The following FGR variants were observed in gnomAD, a reference collection of about 807,000 sequenced individuals.
FGR encodes FGR proto-oncogene, Src family tyrosine kinase, also known as tyrosine-protein kinase Fgr.
FGR carries 26 observed loss-of-function variants against 63.2 expected under a neutral mutation model. The observed-to-expected ratio is 0.41, with a 90% CI of 0.30 to 0.57. FGR has a LOEUF of 0.57. Ranked by LOEUF, FGR falls within the 20% of genes least tolerant of loss-of-function variation. The pLI, the probability that FGR is intolerant of heterozygous loss-of-function variation, is 0.27. For synonymous variants in FGR, 286 were observed against 277.7 expected (o/e 1.03, Z -0.30); for missense variants, 511 against 690.8 (o/e 0.74, Z 2.92).
At chr1:27,613,924 G>C (rs898983301) in intron 11 of FGR, among the ~76,000 whole-genome samples, 2 of 152,132 alleles carry the variant, frequency 1.3e-5, no homozygotes, top group Non-Finnish European at 2.9e-5. Flanking sequence ...GCCAGACACT[G>C]TTTTAAGTGA....
Position 27,613,043 on chromosome 1 carries a change from C to T in FGR, c.1461G>A (p.Leu487=). ...MPCPPGCPAS[L]YEAMEQTWRL... is the part of the protein sequence containing the mutation. ...GCCAGGTCTGTTCCATGGCCTCGTA[C>T]AGGGATGCTGGGCAGCCTGGAGGGC... The change falls in exon 13 of 13, where the codon CTG becomes CTA. Residue 487 remains leucine, a synonymous_variant. Transcript: ENST00000374005. 6.2e-7 allele frequency: 1 copy of T among 1,614,186 alleles called. No homozygotes were observed. Among genetic ancestry groups the T allele is most frequent in the Non-Finnish European group, 8.5e-7 (1 of 1,180,018 alleles).
chr1:27,623,123 A>G lies in FGR; in HGVS notation c.248T>C (p.Ile83Thr). Residue 83 changes from isoleucine to threonine, a missense_variant, in exon 4 of 13, where the codon ATT becomes ACT. Ile to Thr is a moderately conservative substitution (Grantham distance 89). Transcript: ENST00000374005. ...GVSGIGVTLFIALYDYEARTE... is the reference protein window; with the variant it reads ...GVSGIGVTLFTALYDYEARTE... ...TCGAGCCTCATAGTCATACAGGGCA[A>G]TGAACAGGGTCACCCCAATCCCTGC... The G allele has an allele frequency of 1.2e-6, 2 of 1,614,076 alleles. No homozygotes were observed. Among genetic ancestry groups the G allele is most frequent in the East Asian group, 2.2e-5 (1 of 44,882 alleles).
intron 1 of FGR, among the ~76,000 whole-genome samples, chr1:27,630,676 C>T (rs1021501521): frequency 6.6e-5 from 10 of 152,258 alleles, no homozygotes; most frequent in Non-Finnish European, 1.5e-4. Context: ...CACTGAACTT[C>T]GCTGCCTGCT....
intron 10 of FGR, 76 bp downstream of exon 10, chr1:27,614,774 C>A (rs911666778): frequency 1.3e-5 from 19 of 1,432,844 alleles, no homozygotes; most frequent in African/African-American, 8.5e-5. Flanking sequence ...CCCTCCCAGG[C>A]GTTTGAAGGG....
chr1:27,624,398 G>T (rs2089984708), intron 2 of FGR, among the ~76,000 whole-genome samples: 1 of 152,074 alleles, frequency 6.6e-6, no homozygotes, highest in Non-Finnish European at 1.5e-5. Context: ...CAGTACCCCT[G>T]GCTAATTTGT....
At chr1:27,619,020 G>A (rs1229777560) in intron 5 of FGR, among the ~76,000 whole-genome samples, 2 of 152,054 alleles carry the variant, frequency 1.3e-5, no homozygotes, top group East Asian at 1.9e-4. Flanking sequence ...GTTTCCTGAA[G>A]CTTCTCCGCT....
intron 2 of FGR, among the ~76,000 whole-genome samples, chr1:27,624,254 G>A (rs750487185): frequency 3.7e-4 from 56 of 151,846 alleles, no homozygotes; most frequent in Non-Finnish European, 6.5e-4. Flanking sequence ...GTTTTGTTTT[G>A]AGACAAGATC....
At position 27,617,357 on chromosome 1, in the gene FGR, G is replaced by T; in HGVS notation, c.429-61C>A. ...TGCTCAAACCTCACCTCAGCCTCCTGCACAGTCACCTCACAAGCCAAGACT... is the reference window on the plus strand; with the variant it reads ...TGCTCAAACCTCACCTCAGCCTCCTTCACAGTCACCTCACAAGCCAAGACT... On this transcript the variant is annotated intron_variant, in intron 5 of 12. Transcript: ENST00000374005. The surrounding 1 kb of genome is among the most constrained non-coding windows in gnomAD (Gnocchi z 4.5). 8.3e-7 allele frequency: 1 copy of T among 1,199,438 alleles called. No homozygotes were observed. The highest frequency in any genetic ancestry group is 1.2e-6 in the Non-Finnish European group (1 of 807,650). The allele number at this position is 1,199,438 out of a possible 1,614,324, so 74.3% of individuals were successfully genotyped here.
chr1:27,630,875 A>T (rs551698918), intron 1 of FGR, among the ~76,000 whole-genome samples: 1 of 151,994 alleles, frequency 6.6e-6, no homozygotes, highest in Non-Finnish European at 1.5e-5. Context: ...TCACTTCAAC[A>T]TCTGCCCTGT....
At position 27,614,901 on chromosome 1, in the gene FGR, G is replaced by A; in HGVS notation, c.1044C>T (p.Asn348=). 1 of 1,599,626 alleles carries A rather than the reference G, an allele frequency of 6.3e-7. No individual in the cohort carries two copies. The highest frequency in any genetic ancestry group is 8.5e-7 in the Non-Finnish European group (1 of 1,171,904). The change falls in exon 10 of 13, where the codon AAC becomes AAT. Residue 348 remains asparagine (N), a synonymous_variant. Transcript: ENST00000374005. ...GCAGCCTCAAATCCTGGCCCTCTGG[G>A]TTCTTGAGAAAATCCAGCAAGCTGC... ...CHGSLLDFLK[N]PEGQDLRLPQ... is the part of the protein sequence containing the mutation.
At chr1:27,631,031 C>T (rs1255206745) in intron 1 of FGR, among the ~76,000 whole-genome samples, 2 of 152,184 alleles carry the variant, frequency 1.3e-5, no homozygotes, top group African/African-American at 4.8e-5. Context: ...GTGCAGTGGC[C>T]AAGTGTGACC....
At chr1:27,618,985 G>A (rs1166072631) in intron 5 of FGR, among the ~76,000 whole-genome samples, 1 of 151,960 alleles carries the variant, frequency 6.6e-6, no homozygotes, top group East Asian at 1.9e-4. Context: ...CAAATCCAGC[G>A]GTAGCCTCTG....
In FGR at chr1:27,612,821, G is replaced by T; in HGVS notation, c.*93C>A. 8.2e-7 allele frequency: 1 copy of T among 1,225,232 alleles called. No homozygotes were observed. Among genetic ancestry groups the T allele is most frequent in the African/African-American group, 1.5e-5 (1 of 67,060 alleles). The allele number at this position is 1,225,232 out of a possible 1,614,324, so 75.9% of individuals were successfully genotyped here. ...CCTCGGTGATGCTAGGACTCTATGG[G>T]GTTCTAAGCCAGCCTGGGGGCTTTG... On this transcript the variant is annotated 3_prime_UTR_variant, in exon 13 of 13. Transcript: ENST00000374005.
intron 1 of FGR, among the ~76,000 whole-genome samples, chr1:27,632,137 C>CTTTT (rs1250174088): frequency 6.7e-6 from 1 of 148,322 alleles, no homozygotes; most frequent in African/African-American, 2.5e-5. Context: ...TCTTCTTCTT[C>CTTTT]TTCTTTTTTT....
intron 2 of FGR, among the ~76,000 whole-genome samples, chr1:27,624,348 G>A (rs1357066169): frequency 6.6e-6 from 1 of 151,510 alleles, no homozygotes; most frequent in East Asian, 1.9e-4. Context: ...TGATCCTCTG[G>A]TCTCAGCCTC....
chr1:27,626,555 C>T (rs957911045), intron 1 of FGR: 1 of 199,990 alleles, frequency 5.0e-6, no homozygotes, highest in Non-Finnish European at 1.0e-5. Flanking sequence ...GCCCCACCTG[C>T]CCCTCTCACC....
At chr1:27,621,241 C>T (rs561117003) in intron 5 of FGR, among the ~76,000 whole-genome samples, 3 of 152,242 alleles carry the variant, frequency 2.0e-5, no homozygotes, top group Admixed American at 6.5e-5. Flanking sequence ...CCACCACTCA[C>T]TAGCCATGTG....
chr1:27,633,969 C>T (rs952893301), intron 1 of FGR, among the ~76,000 whole-genome samples: 6 of 152,212 alleles, frequency 3.9e-5, no homozygotes. Flanking sequence ...AACTTGCCCA[C>T]AGTCACACAG....
chr1:27,629,483 G>A (rs568630647), intron 1 of FGR, among the ~76,000 whole-genome samples: 19 of 151,820 alleles, frequency 1.3e-4, no homozygotes, highest in Admixed American at 4.6e-4. Flanking sequence ...AACAGAGAGA[G>A]GCAGAGATGA....
Sources: gnomAD v4.1 joint callset for allele counts (sites outside exome capture counted in the v4.1 genomes callset) on GRCh38, gnomAD v4.1.1 for gene constraint, Gnocchi (gnomAD v3.1) non-coding constraint, MANE v1.5 for transcripts, NCBI Gene and HGNC (gene_info 2026-07-23, HGNC 2026-07-21) for gene names.